The following OPCML variants were observed in gnomAD, a reference collection of about 807,000 sequenced individuals.
The protein encoded by OPCML is opioid binding protein/cell adhesion molecule like.
OPCML carries 13 observed loss-of-function variants against 37.8 expected under a neutral mutation model. That is an observed-to-expected ratio of 0.34 (90% confidence interval 0.22 to 0.55). OPCML has a LOEUF of 0.55. Ranked by LOEUF, OPCML falls within the 20% of genes least tolerant of loss-of-function variation. OPCML has a pLI of 0.91. For synonymous variants in OPCML, 176 were observed against 168.8 expected, an observed-to-expected ratio of 1.04 and a Z score of -0.33; for missense variants, 341 against 435.6, an observed-to-expected ratio of 0.78 and a Z score of 1.93.
At chr11:133,467,361 A>C (rs558798145) in intron 1 of OPCML, among the ~76,000 whole-genome samples, 1 of 151,980 alleles carries the variant, frequency 6.6e-6, no homozygotes, top group Admixed American at 6.5e-5. Flanking sequence ...ATCACCTCCC[A>C]CCTCTGTCTG....
At chr11:133,445,599 C>T (rs186614206) in intron 1 of OPCML, among the ~76,000 whole-genome samples, 1 of 152,330 alleles carries the variant, frequency 6.6e-6, no homozygotes, top group Non-Finnish European at 1.5e-5. Flanking sequence ...TCTATCATCA[C>T]TTTTCATCTG....
chr11:133,225,518 A>G (rs1940002859), intron 1 of OPCML, among the ~76,000 whole-genome samples: 2 of 152,202 alleles, frequency 1.3e-5, no homozygotes, highest in African/African-American at 2.4e-5. Flanking sequence ...AACACGGGAA[A>G]GTGCTTGAAA....
At position 133,099,442 on chromosome 11, in the gene OPCML, C is replaced by T. The variant is rs4936182; in HGVS notation, c.62-156432G>A. Among the ~76,000 whole-genome samples, 682 of 119,386 alleles carry T rather than the reference C, an allele frequency of 5.7e-3. 3 individuals carry two copies. Among genetic ancestry groups the T allele is most frequent in the African/African-American group, 9.2e-3 (284 of 30,940 alleles). 78.3% of individuals were successfully genotyped at this position (119,386 alleles called of 152,430 possible). A position where few individuals can be genotyped will look rare whatever the true frequency, so the allele number is the denominator to read the frequency against. ...CACACCTGGCTAATTTTCTTTTTTT[C>T]TTTTTTTTTTTTTTTTTTGTATTTT... On this transcript the variant is annotated intron_variant, in intron 1 of 7. Transcript: ENST00000524381.
intron 1 of OPCML, among the ~76,000 whole-genome samples, chr11:133,106,904 G>T (rs142142416): frequency 1.3e-5 from 2 of 152,280 alleles, no homozygotes; most frequent in East Asian, 3.9e-4. Flanking sequence ...ACTGCAGACT[G>T]CCCACTGCAC....
chr11:133,433,047 C>G (rs1946157031), intron 1 of OPCML, among the ~76,000 whole-genome samples: 1 of 152,092 alleles, frequency 6.6e-6, no homozygotes, highest in African/African-American at 2.4e-5. Context: ...GTCATGAATT[C>G]TTTCCACAGC....
chr11:133,126,134 T>C (rs538722356), intron 1 of OPCML, among the ~76,000 whole-genome samples: 2 of 151,488 alleles, frequency 1.3e-5, no homozygotes, highest in South Asian at 2.1e-4. Flanking sequence ...TCGGCTCACA[T>C]AGAGGTTGAA....
chr11:132,942,407 A>G (rs1174357480), intron 2 of OPCML, among the ~76,000 whole-genome samples: 1 of 152,180 alleles, frequency 6.6e-6, no homozygotes, highest in Non-Finnish European at 1.5e-5. Context: ...GGAGCACTAC[A>G]CCAGGTTTGG....
intron 1 of OPCML, among the ~76,000 whole-genome samples, chr11:133,438,393 G>GA (rs1429091288): frequency 3.9e-5 from 6 of 151,920 alleles, no homozygotes; most frequent in African/African-American, 1.5e-4. Context: ...AACAAATAAT[G>GA]AAAAAACAAA....
intron 1 of OPCML, among the ~76,000 whole-genome samples, chr11:133,489,481 G>T (rs1294478137): frequency 6.6e-6 from 1 of 152,122 alleles, no homozygotes; most frequent in Non-Finnish European, 1.5e-5. Context: ...TATTAAAAGT[G>T]CTGAACATCA....
At chr11:132,573,857 C>A (rs1440089495) in intron 3 of OPCML, among the ~76,000 whole-genome samples, 1 of 151,844 alleles carries the variant, frequency 6.6e-6, no homozygotes, top group East Asian at 1.9e-4. Context: ...CCATCTGGAC[C>A]TGGGCTTTTC....
chr11:133,382,254 C>T (rs750607157), intron 1 of OPCML, among the ~76,000 whole-genome samples: 3 of 152,186 alleles, frequency 2.0e-5, no homozygotes, highest in Non-Finnish European at 4.4e-5. Context: ...TGTGTGGATG[C>T]CGTGCATTTA....
chr11:132,774,687 A>G (rs1448100459), intron 2 of OPCML, among the ~76,000 whole-genome samples: 3 of 152,114 alleles, frequency 2.0e-5, no homozygotes, highest in Non-Finnish European at 4.4e-5. Flanking sequence ...ACATCCTCCT[A>G]TCATTCCCTG....
intron 1 of OPCML, among the ~76,000 whole-genome samples, chr11:133,140,889 CGACGAAGACGACGACGACGAAGAA>C (rs1313161015): frequency 0.098 from 855 of 8,736 alleles, 264 homozygotes; most frequent in East Asian, 0.25. Context: ...ACGACGACGA[CGACGAAGACGACGACGACGAAGAA>C]GAAGAAGACG....
intron 7 of OPCML, among the ~76,000 whole-genome samples, chr11:132,432,308 G>A (rs1393614961): frequency 6.6e-6 from 1 of 152,154 alleles, no homozygotes; most frequent in East Asian, 1.9e-4. Context: ...TAATTATGGG[G>A]GCATTGAGGA....
intron 3 of OPCML, among the ~76,000 whole-genome samples, chr11:132,618,191 C>T (rs1009082847): frequency 2.0e-5 from 3 of 152,184 alleles, no homozygotes; most frequent in East Asian, 1.9e-4. Context: ...ATGAACACAA[C>T]GGTAAGGAGT....
chr11:132,439,322 G>A (rs558752009), intron 4 of OPCML, among the ~76,000 whole-genome samples: 2 of 152,292 alleles, frequency 1.3e-5, no homozygotes, highest in South Asian at 4.1e-4. Flanking sequence ...GCTCACCCCC[G>A]ATGGTTCCAG....
intron 1 of OPCML, among the ~76,000 whole-genome samples, chr11:132,969,720 C>A (rs998693346): frequency 3.3e-4 from 50 of 151,962 alleles, no homozygotes; most frequent in African/African-American, 1.2e-3. Flanking sequence ...TTTTTTTAAA[C>A]TTAGGTTATA....
At chr11:132,835,754 G>T (rs1940966830) in intron 2 of OPCML, among the ~76,000 whole-genome samples, 1 of 152,196 alleles carries the variant, frequency 6.6e-6, no homozygotes, top group Non-Finnish European at 1.5e-5. Context: ...TTATGTCAAA[G>T]TCCAAGTGAA....
chr11:132,481,126 A>G (rs567183470), intron 4 of OPCML, among the ~76,000 whole-genome samples: 7 of 152,270 alleles, frequency 4.6e-5, no homozygotes, highest in Admixed American at 2.0e-4. Flanking sequence ...ACACAAACTG[A>G]CAAATTGGAT....
Sources: gnomAD v4.1 joint callset for allele counts (sites outside exome capture counted in the v4.1 genomes callset) on GRCh38, gnomAD v4.1.1 for gene constraint, MANE v1.5 for transcripts, NCBI Gene and HGNC (gene_info 2026-07-23, HGNC 2026-07-21) for gene names.